COL23A1: variants seen among roughly 807,000 people sequenced by gnomAD.
COL23A1 encodes the protein collagen alpha-1(XXIII) chain.
A neutral mutation model predicts 99.3 loss-of-function variants in COL23A1; 97 were observed. The ratio of observed to expected loss-of-function variants is 0.98; its 90% confidence interval spans 0.83 to 1.16. The LOEUF (loss-of-function observed/expected upper bound fraction) is 1.16, where lower values mean the gene tolerates loss of function less well. COL23A1 is among the 50% of genes most tolerant of loss of function. The probability of loss-of-function intolerance (pLI) is 0.00; values close to 1 mark genes in which losing one functional copy is unlikely to be tolerated. For synonymous variants in COL23A1, 320 were observed against 308.2 expected, an observed-to-expected ratio of 1.04 and a Z score of -0.40; for missense variants, 762 against 757.4, an observed-to-expected ratio of 1.01 and a Z score of -0.07.
chr5:178,293,622 G>A (rs1287036579), intron 3 of COL23A1, among the ~76,000 whole-genome samples: 3 of 151,882 alleles, frequency 2.0e-5, no homozygotes, highest in Non-Finnish European at 4.4e-5. Flanking sequence ...GGAGGGGACT[G>A]GGTTCAGTCT....
At chr5:178,485,033 G>A (rs950375348) in intron 2 of COL23A1, among the ~76,000 whole-genome samples, 4 of 152,166 alleles carry the variant, frequency 2.6e-5, no homozygotes, top group African/African-American at 9.7e-5. Context: ...CTTCGCTTAC[G>A]GCTCTGGCAA....
chr5:178,238,798 C>G (rs998985481), intron 28 of COL23A1, 98 bp from the exon 29 acceptor site: 4 of 1,494,378 alleles, frequency 2.7e-6, no homozygotes, highest in Non-Finnish European at 3.7e-6. Context: ...TGCCCATTTC[C>G]TCCTATCTTC....
At position 178,536,436 on chromosome 5, in the gene COL23A1, T is replaced by C. The variant is rs373464843; in HGVS notation, c.361+24246A>G. On this transcript the variant is annotated intron_variant, in intron 2 of 28. Transcript: ENST00000390654. Reference sequence around the variant, plus strand: ...AAACCCACAGGGCCCGAATCTGATGTCAGGGTCCCAGGTGTGGCTGCTTCC... The same window carrying C: ...AAACCCACAGGGCCCGAATCTGATGCCAGGGTCCCAGGTGTGGCTGCTTCC... 9.2e-5 allele frequency among the ~76,000 whole-genome samples: 14 copies of C among 152,376 alleles called. No individual in the cohort carries two copies. The East Asian group carries it at 2.3e-3, about 25-fold the overall frequency.
At chr5:178,264,444 C>T (rs1002601692) in intron 8 of COL23A1, among the ~76,000 whole-genome samples, 9 of 152,038 alleles carry the variant, frequency 5.9e-5, no homozygotes, top group East Asian at 1.9e-4. Flanking sequence ...CTCAGGCAGC[C>T]GGAGCCCCAC....
intron 2 of COL23A1, among the ~76,000 whole-genome samples, chr5:178,534,824 G>A (rs970197242): frequency 4.6e-5 from 7 of 151,992 alleles, no homozygotes; most frequent in African/African-American, 1.2e-4. Context: ...ACATGTGCAC[G>A]ACCAGATTAC....
chr5:178,539,072 G>C (rs1405552372), intron 2 of COL23A1, among the ~76,000 whole-genome samples: 1 of 152,214 alleles, frequency 6.6e-6, no homozygotes, highest in African/African-American at 2.4e-5. Flanking sequence ...GGGCCTGTAG[G>C]AAGGGGCTTA....
chr5:178,285,604 CCT>C (rs1159711459), intron 5 of COL23A1, among the ~76,000 whole-genome samples: 22 of 152,178 alleles, frequency 1.4e-4, no homozygotes, highest in Admixed American at 1.0e-3. Flanking sequence ...CTGGAAATGG[CCT>C]CTGTGTCTCA....
intron 2 of COL23A1, among the ~76,000 whole-genome samples, chr5:178,470,471 C>T (rs577227004): frequency 1.3e-5 from 2 of 152,202 alleles, no homozygotes; most frequent in Non-Finnish European, 2.9e-5. Flanking sequence ...CAGCTCCCCA[C>T]CCAGACCCCA....
intron 2 of COL23A1, among the ~76,000 whole-genome samples, chr5:178,505,325 C>T (rs990910564): frequency 3.3e-5 from 5 of 152,028 alleles, no homozygotes; most frequent in South Asian, 2.1e-4. Flanking sequence ...TCTCAGCTCA[C>T]GGCAACCTCC....
At chr5:178,431,304 G>A (rs538187246) in intron 2 of COL23A1, among the ~76,000 whole-genome samples, 1 of 152,236 alleles carries the variant, frequency 6.6e-6, no homozygotes, top group Admixed American at 6.5e-5. Flanking sequence ...GCTCGTTCTG[G>A]GGGCAGACAC....
intron 8 of COL23A1, among the ~76,000 whole-genome samples, chr5:178,266,452 A>C (rs558405006): frequency 6.6e-6 from 1 of 152,098 alleles, no homozygotes; most frequent in African/African-American, 2.4e-5. Flanking sequence ...GAGGGTATCC[A>C]CGAGGAGGGT....
At chr5:178,330,567 T>C (rs967270275) in intron 2 of COL23A1, among the ~76,000 whole-genome samples, 16 of 151,804 alleles carry the variant, frequency 1.1e-4, no homozygotes, top group African/African-American at 3.6e-4. Context: ...GGCAGAAGGA[T>C]AGCTGGAGCT....
chr5:178,273,606 G>A (rs1009349167), intron 5 of COL23A1, among the ~76,000 whole-genome samples: 13 of 152,202 alleles, frequency 8.5e-5, no homozygotes, highest in Non-Finnish European at 1.3e-4. Flanking sequence ...CTCGGAAGCC[G>A]AGCCTGTGCC....
At chr5:178,356,844 C>T (rs956138779) in intron 2 of COL23A1, among the ~76,000 whole-genome samples, 1 of 152,122 alleles carries the variant, frequency 6.6e-6, no homozygotes, top group African/African-American at 2.4e-5. Flanking sequence ...CTCAGGAACC[C>T]TGGTGCTGGT....
intron 2 of COL23A1, among the ~76,000 whole-genome samples, chr5:178,526,149 G>A (rs1048265817): frequency 1.3e-5 from 2 of 152,220 alleles, no homozygotes; most frequent in East Asian, 1.9e-4. Context: ...GGAAAGGCAT[G>A]TGGGAGAGAG....
At chr5:178,351,735 G>A (rs995324536) in intron 2 of COL23A1, among the ~76,000 whole-genome samples, 1 of 152,144 alleles carries the variant, frequency 6.6e-6, no homozygotes, top group Non-Finnish European at 1.5e-5. Context: ...GGCTGTTTGG[G>A]ACTAATTGTG....
chr5:178,539,292 A>ATCC (rs1761149553), intron 2 of COL23A1, among the ~76,000 whole-genome samples: 1 of 152,154 alleles, frequency 6.6e-6, no homozygotes, highest in South Asian at 2.1e-4. Context: ...CACGCCTGTA[A>ATCC]TCCCAGCAAT....
At chr5:178,420,481 G>A (rs970534795) in intron 2 of COL23A1, among the ~76,000 whole-genome samples, 2 of 48,710 alleles carry the variant, frequency 4.1e-5, no homozygotes, top group South Asian at 1.3e-3. Flanking sequence ...CCCCTCCCCC[G>A]CTCTTTCCTC....
rs1443853055 is a variant in COL23A1, at chr5:178,428,792, C to A, written c.362-121873G>T. Among the ~76,000 whole-genome samples, 1 of 152,206 alleles carries A rather than the reference C, an allele frequency of 6.6e-6. No homozygotes were observed. Among genetic ancestry groups the A allele is most frequent in the Non-Finnish European group, 1.5e-5 (1 of 68,038 alleles). On this transcript the variant is annotated intron_variant, in intron 2 of 28. Transcript: ENST00000390654. This position sits in a 1 kb window ranked among gnomAD's most constrained non-coding sequence, Gnocchi z 5.0. ...ACTGGGCTCAGTGTTAGGATTTTAA[C>A]TGCTCATCTGCCCAGATGGGGGCTG...
Sources: gnomAD v4.1 joint callset for allele counts (sites outside exome capture counted in the v4.1 genomes callset) on GRCh38, gnomAD v4.1.1 for gene constraint, Gnocchi (gnomAD v3.1) non-coding constraint, MANE v1.5 for transcripts, NCBI Gene and HGNC (gene_info 2026-07-23, HGNC 2026-07-21) for gene names.